The following PTPRN2 variants were observed in gnomAD, a reference collection of about 807,000 sequenced individuals.
The protein encoded by PTPRN2 is protein tyrosine phosphatase receptor type N2.
A neutral mutation model predicts 118.8 loss-of-function variants in PTPRN2; 74 were observed. The observed-to-expected ratio is 0.62, with a 90% CI of 0.52 to 0.76. The LOEUF is 0.76. Ranked by LOEUF, PTPRN2 falls within the 30% of genes least tolerant of loss-of-function variation. PTPRN2 has a pLI of 0.00. For synonymous variants in PTPRN2, 641 were observed against 608.0 expected (o/e 1.05, Z -0.80); for missense variants, 1,481 against 1,394.4 (o/e 1.06, Z -0.99).
rs753280589 is a variant in PTPRN2, at chr7:157,810,194, C to T, written c.1788+88479G>A. Among the ~76,000 whole-genome samples, 11 of 152,352 alleles carry T rather than the reference C, an allele frequency of 7.2e-5. No homozygotes were observed. The South Asian group carries it at 1.0e-3, about 14-fold the overall frequency. On this transcript the variant is annotated intron_variant, in intron 12 of 22. Transcript: ENST00000389418. ...TCCACCTTCATCAGATAAAGCCAAC[C>T]GTTGTTGTTTAAGCAAAGGCTGCGG...
intron 11 of PTPRN2, among the ~76,000 whole-genome samples, chr7:158,074,362 G>C (rs936450518): frequency 1.3e-5 from 2 of 152,176 alleles, no homozygotes; most frequent in Non-Finnish European, 2.9e-5. Flanking sequence ...GGGAGGTGGT[G>C]GTGATTCACT....
intron 14 of PTPRN2, among the ~76,000 whole-genome samples, chr7:157,650,849 C>G (rs116917226): frequency 0.026 from 3,929 of 152,292 alleles, 84 homozygotes; most frequent in Middle Eastern, 0.054. Flanking sequence ...CCTCCTGGTT[C>G]GGTGACTTAT....
chr7:158,326,842 C>CATAT (rs1232351263), intron 2 of PTPRN2, among the ~76,000 whole-genome samples: 1 of 826 alleles, frequency 1.2e-3, no homozygotes, highest in African/African-American at 5.6e-3. Context: ...CTCTCACATG[C>CATAT]ATTCTCACAC....
Position 158,167,302 on chromosome 7 carries a change from G to A in PTPRN2, c.550-11C>T. ...GAAGCGGTCATCACCCTGAAGGAAAGGAGAGCAAAACAGAGCAAGAGTCAC... is the reference window on the plus strand; with the variant it reads ...GAAGCGGTCATCACCCTGAAGGAAAAGAGAGCAAAACAGAGCAAGAGTCAC... On this transcript the variant is annotated splice_polypyrimidine_tract_variant and intron_variant, in intron 5 of 22. Transcript: ENST00000389418. 2 of 1,580,694 alleles carry A rather than the reference G, an allele frequency of 1.3e-6. No individual in the cohort carries two copies. Among genetic ancestry groups the A allele is most frequent in the South Asian group, 2.3e-5 (2 of 85,846 alleles).
chr7:157,576,536 T>C, intron 19 of PTPRN2, 77 bp downstream of exon 19: 1 of 1,376,428 alleles, frequency 7.3e-7, no homozygotes, highest in Non-Finnish European at 9.7e-7. Flanking sequence ...CAGGGGCGTC[T>C]CAGGAGCACC....
At position 157,764,659 on chromosome 7, in the gene PTPRN2, T is replaced by C. The variant is rs570763140; in HGVS notation, c.1789-81722A>G. ...GCAGATAGTGATGATGGTTGCACAGTATTTTGAATGTAAATACTACCACTA... is the reference window on the plus strand; with the variant it reads ...GCAGATAGTGATGATGGTTGCACAGCATTTTGAATGTAAATACTACCACTA... On this transcript the variant is annotated intron_variant, in intron 12 of 22. Transcript: ENST00000389418. The surrounding 1 kb of genome is among the most constrained non-coding windows in gnomAD (Gnocchi z 4.5). Among the ~76,000 whole-genome samples, 8 of 152,332 alleles carry C rather than the reference T, an allele frequency of 5.3e-5. No homozygotes were observed. Among genetic ancestry groups the C allele is most frequent in the African/African-American group, 1.9e-4 (8 of 41,564 alleles).
intron 12 of PTPRN2, among the ~76,000 whole-genome samples, chr7:157,839,714 CTGTG>C (rs1332655405): frequency 6.6e-6 from 1 of 150,448 alleles, no homozygotes; most frequent in South Asian, 2.1e-4. Flanking sequence ...GAGTGCATGT[CTGTG>C]TGACTGTGTG....
chr7:158,521,659 T>TA (rs1563387685), intron 1 of PTPRN2, among the ~76,000 whole-genome samples: 5 of 91,390 alleles, frequency 5.5e-5, no homozygotes, highest in Admixed American at 1.0e-4. Context: ...ACTGTCCAGG[T>TA]GCTGGCTCGG....
intron 6 of PTPRN2, among the ~76,000 whole-genome samples, chr7:158,141,794 T>C (rs968660484): frequency 2.6e-5 from 4 of 152,214 alleles, no homozygotes; most frequent in Admixed American, 6.5e-5. Flanking sequence ...GACCCTCTGA[T>C]GTAAAGGCCT....
chr7:158,247,004 C>T (rs1384294850), intron 3 of PTPRN2, among the ~76,000 whole-genome samples: 1 of 152,222 alleles, frequency 6.6e-6, no homozygotes. Context: ...CCAGAGCAAG[C>T]GTGCAGCCAT....
Position 158,167,185 on chromosome 7 carries a change from C to T in PTPRN2, c.656G>A (p.Arg219Gln), listed in dbSNP as rs368033293. ...RTQLREDLLP[R>Q]TLGQLQPDEL... The stretch of plus-strand genomic sequence containing the variant: ...ATCTGGCTGGAGCTGGCCGAGGGTC[C>T]GCGGCAGGAGGTCCTCGCGGAGCTG... Residue 219 changes from arginine (R) to glutamine (Q), a missense_variant, in exon 6 of 23, where the codon CGG becomes CAG. By Grantham distance (43) the Arg-to-Gln change is conservative. Transcript: ENST00000389418. 46 of 1,613,804 alleles carry T rather than the reference C, an allele frequency of 2.9e-5. No homozygotes were observed. The highest frequency in any genetic ancestry group is 2.7e-4 in the East Asian group (12 of 44,866).
chr7:157,670,037 G>A (rs1022166001), intron 13 of PTPRN2, among the ~76,000 whole-genome samples: 1 of 152,184 alleles, frequency 6.6e-6, no homozygotes, highest in Non-Finnish European at 1.5e-5. Flanking sequence ...TCCAGATCAC[G>A]GCTCGCTCAG....
intron 2 of PTPRN2, among the ~76,000 whole-genome samples, chr7:158,385,688 T>C (rs147630820): frequency 2.4e-3 from 364 of 152,280 alleles, no homozygotes; most frequent in African/African-American, 8.2e-3. Flanking sequence ...AAAGCACAAG[T>C]TCAGGCCTGC....
chr7:157,628,745 C>T (rs73515094), intron 14 of PTPRN2, among the ~76,000 whole-genome samples: 2,209 of 152,222 alleles, frequency 0.015, 56 homozygotes, highest in African/African-American at 0.051. Flanking sequence ...GGGTGCGGGA[C>T]GGTCTCAGTG....
chr7:157,759,375 G>T (rs1801999671), intron 12 of PTPRN2, among the ~76,000 whole-genome samples: 1 of 152,238 alleles, frequency 6.6e-6, no homozygotes, highest in East Asian at 1.9e-4. Context: ...CTGCTTCCTG[G>T]ATGGACTGGC....
intron 1 of PTPRN2, among the ~76,000 whole-genome samples, chr7:158,578,815 T>C (rs1828484315): frequency 6.6e-6 from 1 of 152,084 alleles, no homozygotes; most frequent in Non-Finnish European, 1.5e-5. Flanking sequence ...CAGGCTGCAG[T>C]GCACTGGCAC....
intron 3 of PTPRN2, among the ~76,000 whole-genome samples, chr7:158,281,673 G>A (rs1223614569): frequency 6.6e-6 from 1 of 152,162 alleles, no homozygotes; most frequent in African/African-American, 2.4e-5. Flanking sequence ...GGCATGCCTG[G>A]GGCCCTTTGC....
rs1370077850 is a variant in PTPRN2, at chr7:157,990,108, C to T, written c.1723+91190G>A. On this transcript the variant is annotated intron_variant, in intron 11 of 22. Coordinates refer to ENST00000389418, the MANE Select transcript of PTPRN2 (RefSeq NM_002847.5). The surrounding 1 kb of genome is among the most constrained non-coding windows in gnomAD (Gnocchi z 4.3). ...GAAAAATGCAAGTTGCTCTTCTGCGCTCCAAATACACCGAGACGAAAACAA... is the reference window on the plus strand; with the variant it reads ...GAAAAATGCAAGTTGCTCTTCTGCGTTCCAAATACACCGAGACGAAAACAA... 6.6e-6 allele frequency among the ~76,000 whole-genome samples: 1 copy of T among 152,148 alleles called. No individual in the cohort carries two copies. Among genetic ancestry groups the T allele is most frequent in the Non-Finnish European group, 1.5e-5 (1 of 68,036 alleles).
intron 2 of PTPRN2, among the ~76,000 whole-genome samples, chr7:158,363,082 G>C (rs1048057107): frequency 1.3e-5 from 2 of 152,200 alleles, no homozygotes; most frequent in Admixed American, 1.3e-4. Context: ...AGGGGGACAG[G>C]ACCCGTGGAG....
Sources: allele counts gnomAD v4.1 joint callset (sites outside exome capture counted in the v4.1 genomes callset), GRCh38; gene constraint gnomAD v4.1.1; non-coding constraint Gnocchi (gnomAD v3.1); transcripts MANE v1.5; gene names NCBI Gene and HGNC (gene_info 2026-07-23, HGNC 2026-07-21).